The following OTOF variants were observed in gnomAD, a reference collection of about 807,000 sequenced individuals.
OTOF encodes fer-1-like family member 2.
Under a neutral mutation model 236.8 loss-of-function variants are expected in OTOF, and 218 were observed. The ratio of observed to expected loss-of-function variants is 0.92; its 90% CI spans 0.82 to 1.03. OTOF has a LOEUF of 1.03. Ranked by LOEUF, OTOF falls within the 50% of genes least tolerant of loss-of-function variation. The probability of loss-of-function intolerance (pLI) is 0.00; values close to 1 mark genes in which losing one functional copy is unlikely to be tolerated. For missense variants in OTOF, 2,590 were observed against 2,694.4 expected (o/e 0.96, Z 0.86); for synonymous variants, 1,041 against 1,072.5 (o/e 0.97, Z 0.57).
In OTOF at chr2:26,480,850, G is replaced by C; in HGVS notation, c.1739C>G (p.Thr580Ser). The C allele has an allele frequency of 6.2e-7, 1 of 1,612,880 alleles. No homozygotes were observed. Residue 580 changes from threonine to serine, a missense_variant, in exon 15 of 47, where the codon ACC becomes AGC. Physicochemically the swap from Thr to Ser is moderately conservative, Grantham distance 58. Around this residue, in one of 2 missense-constraint regions of OTOF, gnomAD observed 1,379 missense variants for 1,341.6 expected, o/e 1.03. Coordinates refer to ENST00000272371, the MANE Select transcript of OTOF (RefSeq NM_194248.3). The part of the protein sequence containing the change: ...LLGLAVEIVD[T>S]SNPELTSSTE... ...GGAGCTGGTGAGCTCAGGGTTGGAG[G>C]TGTCTACGATCTCCACAGCCAGGCC...
chr2:26,555,624 G>A (rs183711589), intron 1 of OTOF, among the ~76,000 whole-genome samples: 19 of 152,300 alleles, frequency 1.2e-4, no homozygotes, highest in Non-Finnish European at 2.1e-4. Flanking sequence ...AGTCTCGGGG[G>A]TCTGCCTGCC....
At chr2:26,522,269 G>A (rs1041722983) in intron 3 of OTOF, among the ~76,000 whole-genome samples, 6 of 152,192 alleles carry the variant, frequency 3.9e-5, no homozygotes, top group African/African-American at 1.4e-4. Flanking sequence ...CTTATGTAAA[G>A]TATAAAGAAA....
intron 1 of OTOF, among the ~76,000 whole-genome samples, chr2:26,552,028 G>A (rs1310650472): frequency 6.6e-6 from 1 of 151,370 alleles, no homozygotes; most frequent in East Asian, 1.9e-4. Context: ...GTACAACATA[G>A]GGCCATGATA....
rs1392526327 is a variant in OTOF at position 26,463,442 on chromosome 2, G to A, written c.5192+41C>T. On this transcript the variant is annotated intron_variant, in intron 41 of 46. Transcript: ENST00000272371. ...TGGGCCGTGGTGGGAAGTGGGTGGGGTGGGCCGGAAGGGAGTAGCGCTGGG... is the reference window on the plus strand; with the variant it reads ...TGGGCCGTGGTGGGAAGTGGGTGGGATGGGCCGGAAGGGAGTAGCGCTGGG... The A allele has an allele frequency of 3.4e-6, 5 of 1,487,646 alleles. No homozygotes were observed. In the Admixed American group the frequency reaches 7.7e-5, roughly 23 times the overall value. 92.2% of individuals were successfully genotyped at this position (1,487,646 alleles called of 1,614,324 possible).
Position 26,471,160 on chromosome 2 carries a change from A to G in OTOF, c.3865-10T>C. 6.2e-7 allele frequency: 1 copy of G among 1,614,078 alleles called. No homozygotes were observed. The highest frequency in any genetic ancestry group is 8.5e-7 in the Non-Finnish European group (1 of 1,179,980). On this transcript the variant is annotated splice_polypyrimidine_tract_variant and intron_variant, in intron 30 of 46. Transcript: ENST00000272371. Reference sequence around the variant, plus strand: ...CAACAGCTTCAGAAGTCTGCAGAGGAACCAAGGAGACAGGGGCAGAATCAG... The same window carrying G: ...CAACAGCTTCAGAAGTCTGCAGAGGGACCAAGGAGACAGGGGCAGAATCAG...
At chr2:26,550,959 T>C (rs1667446686) in intron 1 of OTOF, among the ~76,000 whole-genome samples, 1 of 152,142 alleles carries the variant, frequency 6.6e-6, no homozygotes, top group Admixed American at 6.5e-5. Context: ...GCACTAGTGT[T>C]AGCCCCTCTG....
chr2:26,499,724 T>C (rs998720026), intron 8 of OTOF, among the ~76,000 whole-genome samples: 1 of 152,140 alleles, frequency 6.6e-6, no homozygotes, highest in Non-Finnish European at 1.5e-5. Context: ...TTGGCCAGGC[T>C]GGTCTTGCAA....
intron 8 of OTOF, among the ~76,000 whole-genome samples, 187 bp from the exon 9 acceptor site, chr2:26,495,260 G>A (rs943965787): frequency 9.2e-5 from 14 of 151,692 alleles, no homozygotes; most frequent in African/African-American, 2.7e-4. Flanking sequence ...CTCCTTCTAT[G>A]CCTCAAGTGT....
chr2:26,461,632 C>T lies in OTOF; in HGVS notation c.5533+64G>A. The stretch of plus-strand genomic sequence containing the variant: ...AAGGCAGGGCTCTCCCTGTCCCCGC[C>T]AACCCGGCCCCTGCCTCTTCTCAGT... On this transcript the variant is annotated intron_variant, in intron 43 of 46. Transcript: ENST00000272371. This position sits in a 1 kb window ranked among gnomAD's most constrained non-coding sequence, Gnocchi z 6.2. 1 of 1,605,998 alleles carries T rather than the reference C, an allele frequency of 6.2e-7. No homozygotes were observed. Among genetic ancestry groups the T allele is most frequent in the Non-Finnish European group, 8.5e-7 (1 of 1,178,730 alleles).
intron 11 of OTOF, among the ~76,000 whole-genome samples, chr2:26,487,389 A>G (rs1417539370): frequency 6.6e-6 from 1 of 152,042 alleles, no homozygotes; most frequent in Non-Finnish European, 1.5e-5. Context: ...AGAAGCAGCA[A>G]ATCTCGAGCT....
At chr2:26,521,550 C>A (rs1224446633) in intron 3 of OTOF, among the ~76,000 whole-genome samples, 1 of 152,228 alleles carries the variant, frequency 6.6e-6, no homozygotes, top group Non-Finnish European at 1.5e-5. Context: ...CTGACATGTG[C>A]TTTTAAGTCC....
intron 5 of OTOF, among the ~76,000 whole-genome samples, chr2:26,513,910 C>A (rs1242304887): frequency 2.0e-5 from 3 of 152,184 alleles, no homozygotes; most frequent in Non-Finnish European, 4.4e-5. Context: ...GGGTGAGATG[C>A]AACATCTAGG....
In OTOF at chr2:26,479,594, C is replaced by G. The variant is rs760054878; in HGVS notation, c.1972G>C (p.Glu658Gln). ...TCTACTTCTTCCTCATCCCCCGGCT[C>G]CTTCCGGGGCCGAGGCCGCTGGGGC... ...SRPQRPRPRK[E>Q]PGDEEEVDLI... Residue 658 changes from glutamate to glutamine, a missense_variant, in exon 17 of 47, where the codon GAG (glutamate) becomes CAG (glutamine). Physicochemically the swap from Glu to Gln is conservative, Grantham distance 29. This residue lies in a region of OTOF where 1,379 missense variants were observed against 1,341.6 expected (regional missense o/e 1.03). Coordinates refer to ENST00000272371, the MANE Select transcript of OTOF (RefSeq NM_194248.3). The G allele has an allele frequency of 2.5e-6, 4 of 1,612,628 alleles. No individual in the cohort carries two copies. Among genetic ancestry groups the G allele is most frequent in the Non-Finnish European group, 3.4e-6 (4 of 1,179,830 alleles).
intron 8 of OTOF, 49 bp from the exon 9 acceptor site, chr2:26,495,122 G>A (rs1665949715): frequency 1.2e-6 from 2 of 1,611,404 alleles, no homozygotes; most frequent in African/African-American, 1.3e-5. Context: ...CTGAGCCTAG[G>A]AGCCTGGTCC....
At chr2:26,523,876 T>C (rs560406183) in intron 3 of OTOF, among the ~76,000 whole-genome samples, 1 of 152,342 alleles carries the variant, frequency 6.6e-6, no homozygotes, top group East Asian at 1.9e-4. Context: ...TCATTGCTCC[T>C]CTGGCCTGGC....
chr2:26,476,182 C>T lies in OTOF; in HGVS notation c.2812G>A (p.Ala938Thr). Residue 938 changes from alanine (A) to threonine (T), a missense_variant, in exon 23 of 47, where the codon GCA becomes ACA. By Grantham distance (58) the Ala-to-Thr change is moderately conservative. Around this residue, in one of 2 missense-constraint regions of OTOF, gnomAD observed 1,379 missense variants for 1,341.6 expected, o/e 1.03. Transcript: ENST00000272371. Reference protein sequence around the residue: ...GLPCGFQEVKAAQGLGLHAFP... With the variant: ...GLPCGFQEVKTAQGLGLHAFP... Reference sequence around the variant, plus strand: ...GCATGCAGGCCCAGGCCCTGGGCTGCCTTGACCTCCTGGAAGCCACAGGGC... The same window carrying T: ...GCATGCAGGCCCAGGCCCTGGGCTGTCTTGACCTCCTGGAAGCCACAGGGC... The T allele has an allele frequency of 6.2e-7, 1 of 1,610,838 alleles. No homozygotes were observed. Among genetic ancestry groups the T allele is most frequent in the Non-Finnish European group, 8.5e-7 (1 of 1,179,732 alleles).
intron 3 of OTOF, among the ~76,000 whole-genome samples, chr2:26,522,723 G>A (rs963832696): frequency 1.6e-4 from 24 of 152,240 alleles, no homozygotes; most frequent in Admixed American, 1.3e-4. Context: ...CCGGGTGTCA[G>A]GAGGCCTGGG....
In OTOF at chr2:26,461,774, C is replaced by T. The variant is rs538506086; in HGVS notation, c.5455G>A (p.Glu1819Lys). Reference protein sequence around the residue: ...SKKESMFSWDETEYKIPARLT... With the variant: ...SKKESMFSWDKTEYKIPARLT... Reference sequence around the variant, plus strand: ...CGCGCGGGGATCTTGTACTCGGTCTCGTCCCAGGAGAACATGGACTCCTTC... The same window carrying T: ...CGCGCGGGGATCTTGTACTCGGTCTTGTCCCAGGAGAACATGGACTCCTTC... The change falls in exon 43 of 47, where the codon GAG becomes AAG. Residue 1819 changes from glutamate (E) to lysine (K), a missense_variant. Physicochemically the swap from Glu to Lys is moderately conservative, Grantham distance 56 (BLOSUM62 1). Transcript: ENST00000272371. The surrounding 1 kb of genome is among the most constrained non-coding windows in gnomAD (Gnocchi z 6.2). 18 of 1,614,188 alleles carry T rather than the reference C, an allele frequency of 1.1e-5. No homozygotes were observed. The highest frequency in any genetic ancestry group is 4.0e-5 in the African/African-American group (3 of 75,048).
intron 8 of OTOF, among the ~76,000 whole-genome samples, chr2:26,498,793 GC>G (rs1272516131): frequency 6.6e-6 from 1 of 152,214 alleles, no homozygotes; most frequent in Non-Finnish European, 1.5e-5. Flanking sequence ...TCTGCTGGGA[GC>G]CAGAGATGAG....
Sources: allele counts gnomAD v4.1 joint callset (sites outside exome capture counted in the v4.1 genomes callset), GRCh38; gene constraint gnomAD v4.1.1; regional missense constraint gnomAD v4.1.1; non-coding constraint Gnocchi (gnomAD v3.1); transcripts MANE v1.5; gene names NCBI Gene and HGNC (gene_info 2026-07-23, HGNC 2026-07-21).